C2orf92: variants seen among roughly 807,000 people sequenced by gnomAD.
C2orf92 encodes the protein chromosome 2 open reading frame 92, also known as uncharacterized protein C2orf92.
rs1333571409 is a variant in C2orf92 at position 97,672,171 on chromosome 2, AG to A, written c.47-2282del. 3 of 151,912 alleles carry A rather than the reference AG, an allele frequency of 2.0e-5. No individual in the cohort carries two copies. The East Asian group carries it at 5.8e-4, about 29-fold the overall frequency. The allele number at this position is 151,912 out of a possible 1,614,324, so 9.4% of individuals were successfully genotyped here. On this transcript the variant is annotated intron_variant, in intron 1 of 7. Transcript: ENST00000627399. ...GGCTGTGCATCAGGAGTGAAGGTTG[AG>A]GGTCACCTTAGGTGTGAGAAGGAGC...
chr2:97,699,293 A>C (rs1331811787), intron 6 of C2orf92, among the ~76,000 whole-genome samples, 157 bp downstream of exon 6: 1 of 152,206 alleles, frequency 6.6e-6, no homozygotes, highest in Non-Finnish European at 1.5e-5. Flanking sequence ...GTTAAAATTT[A>C]TGAATTAAAC....
intron 3 of C2orf92, among the ~76,000 whole-genome samples, chr2:97,682,050 A>G (rs990966490): frequency 3.3e-5 from 5 of 152,212 alleles, no homozygotes; most frequent in Non-Finnish European, 7.3e-5. Flanking sequence ...TAAAAAGACC[A>G]ACAAAATTGA....
chr2:97,663,982 G>A (rs1013293693), upstream of C2orf92: 14 of 808,766 alleles, frequency 1.7e-5, no homozygotes, highest in Non-Finnish European at 2.3e-5. Context: ...GGCGGCTCCC[G>A]ACGCGGCGCC....
chr2:97,700,730 G>GA (rs1676464796), intron 6 of C2orf92, among the ~76,000 whole-genome samples: 1 of 145,832 alleles, frequency 6.9e-6, no homozygotes, highest in African/African-American at 2.5e-5. Context: ...AAGGTTTTTT[G>GA]TTTTTTTTTT....
chr2:97,676,036 A>G, intron 3 of C2orf92, 108 bp downstream of exon 3: 1 of 398,288 alleles, frequency 2.5e-6, no homozygotes, highest in African/African-American at 2.1e-5. Flanking sequence ...GGGGAAAGCA[A>G]GTGCTTTGCC....
chr2:97,693,053 A>G (rs1573224243), intron 5 of C2orf92, among the ~76,000 whole-genome samples: 2 of 152,224 alleles, frequency 1.3e-5, no homozygotes, highest in East Asian at 3.8e-4. Context: ...TACTTTAGAT[A>G]TCTCATGTAA....
At chr2:97,671,630 ATCTG>A (rs1675414498) in intron 1 of C2orf92, 2 of 396,064 alleles carry the variant, frequency 5.0e-6, no homozygotes, top group Admixed American at 4.4e-5. Context: ...TGAGGCTAGA[ATCTG>A]TCTACGTGTC....
chr2:97,671,805 A>C (rs543041521), intron 1 of C2orf92: 21 of 274,466 alleles, frequency 7.7e-5, no homozygotes, highest in Non-Finnish European at 1.4e-4. Context: ...TGAGGCCCCA[A>C]AGCCGAGCTG....
chr2:97,667,154 CAT>C (rs1408561721), upstream of C2orf92: 1 of 151,822 alleles, frequency 6.6e-6, no homozygotes, highest in Non-Finnish European at 1.5e-5. Context: ...TCATATGAAA[CAT>C]ATCAGGACAC....
chr2:97,698,942 C>G (rs891357343), intron 5 of C2orf92, 84 bp from the exon 6 acceptor site: 2 of 396,376 alleles, frequency 5.0e-6, no homozygotes, highest in Admixed American at 4.4e-5. Flanking sequence ...CACTTTGAGT[C>G]TAGAAGAAGC....
chr2:97,680,079 C>G (rs527466399), intron 3 of C2orf92, among the ~76,000 whole-genome samples: 11 of 152,216 alleles, frequency 7.2e-5, no homozygotes, highest in African/African-American at 2.6e-4. Context: ...GTGGGCAGAT[C>G]ACTTAAGCTC....
chr2:97,680,009 T>G (rs1215828239), intron 3 of C2orf92, among the ~76,000 whole-genome samples: 1 of 151,462 alleles, frequency 6.6e-6, no homozygotes, highest in Non-Finnish European at 1.5e-5. Flanking sequence ...ACACAACAAA[T>G]AGCAAAATGG....
At chr2:97,668,258 G>A (rs899898067), upstream of C2orf92, 1 of 152,138 alleles carries the variant, frequency 6.6e-6, no homozygotes, top group Non-Finnish European at 1.5e-5. Flanking sequence ...ATGACCTGCT[G>A]TTACAGATTA....
Position 97,683,076 on chromosome 2 carries a change from C to CCACACACACACA in C2orf92, c.233-5792_233-5781dup, listed in dbSNP as rs760650490. On this transcript the variant is annotated intron_variant, in intron 3 of 7. Transcript: ENST00000627399. ...TTATATGTTGAAAACCATATAGACT[C>CCACACACACACA]CACACACACACACACACACACACAC... Among the ~76,000 whole-genome samples, 738 of 143,246 alleles carry CCACACACACACA rather than the reference C, an allele frequency of 5.2e-3. 4 individuals carry two copies. Among genetic ancestry groups the CCACACACACACA allele is most frequent in the African/African-American group, 8.6e-3 (333 of 38,532 alleles). 94.0% of individuals were successfully genotyped at this position (143,246 alleles called of 152,430 possible). A position where few individuals can be genotyped will look rare whatever the true frequency, so the allele number is the denominator to read the frequency against.
chr2:97,665,733 CTCTCTATATATATATATATA>C (rs1437917723), upstream of C2orf92: 205 of 19,770 alleles, frequency 0.01, no homozygotes, highest in African/African-American at 0.036. Context: ...CTCTCTCTCT[CTCTCTATATATATATATATA>C]TATATATATA....
At chr2:97,681,442 T>A (rs1365912798) in intron 3 of C2orf92, among the ~76,000 whole-genome samples, 1 of 152,068 alleles carries the variant, frequency 6.6e-6, no homozygotes, top group Non-Finnish European at 1.5e-5. Flanking sequence ...AAATAATCAA[T>A]GGGTCAAAGA....
At chr2:97,681,106 C>CAAAAA (rs58856044) in intron 3 of C2orf92, among the ~76,000 whole-genome samples, 7 of 11,960 alleles carry the variant, frequency 5.9e-4, no homozygotes, top group African/African-American at 8.5e-4. Flanking sequence ...GACTCCATCT[C>CAAAAA]AAAAAAAAAA....
intron 3 of C2orf92, among the ~76,000 whole-genome samples, chr2:97,684,330 C>T (rs901995948): frequency 3.3e-5 from 5 of 152,110 alleles, no homozygotes; most frequent in Admixed American, 1.3e-4. Context: ...CCACCGTGCC[C>T]GGCCAGTCAA....
chr2:97,698,277 CAA>C lies in C2orf92; in HGVS notation c.404-747_404-746del, dbSNP rs745973874. Among the ~76,000 whole-genome samples, 15 of 152,332 alleles carry C rather than the reference CAA, an allele frequency of 9.8e-5. 3 individuals carry two copies. The highest frequency in any genetic ancestry group is 3.9e-4 in the East Asian group (2 of 5,170). On this transcript the variant is annotated intron_variant, in intron 5 of 7. Coordinates refer to ENST00000627399, the MANE Select transcript of C2orf92 (RefSeq NM_001351368.2). The stretch of plus-strand genomic sequence containing the variant: ...TCTTCCCAGGCCATCCTGCATCTGG[CAA>C]AGATAGGCAGGCCATGCTGGCCTCC...
Sources: gnomAD v4.1 joint callset for allele counts (sites outside exome capture counted in the v4.1 genomes callset) on GRCh38, gnomAD v4.1.1 for gene constraint, MANE v1.5 for transcripts, NCBI Gene and HGNC (gene_info 2026-07-23, HGNC 2026-07-21) for gene names.